Variants in CNGB1 observed in about 807,000 individuals in gnomAD.
CNGB1 encodes cyclic nucleotide gated channel subunit beta 1.
Under a neutral mutation model 151.7 loss-of-function variants are expected in CNGB1, and 126 were observed. The ratio of observed to expected loss-of-function variants is 0.83; its 90% CI spans 0.72 to 0.96. The LOEUF (loss-of-function observed/expected upper bound fraction) is 0.96. Among genes scored for constraint, CNGB1 ranks in the 40% least tolerant of loss-of-function variants. CNGB1 has a pLI of 0.00. For synonymous variants in CNGB1, 623 were observed against 635.1 expected (o/e 0.98, Z 0.29); for missense variants, 1,698 against 1,627.0 (o/e 1.04, Z -0.75).
chr16:57,957,101 C>T (rs901914733), intron 12 of CNGB1, among the ~76,000 whole-genome samples: 3 of 152,260 alleles, frequency 2.0e-5, no homozygotes, highest in Non-Finnish European at 4.4e-5. Context: ...CACTGGGCTC[C>T]GGGGGCCTCC....
At position 57,950,445 on chromosome 16, in the gene CNGB1, G is replaced by C; in HGVS notation, c.970C>G (p.Pro324Ala). ...EDAHQDVSTS[P>A]QGTEVVPAYE... ...GCTGGAACCACCTCTGTACCCTGTG[G>C]GCTGGTACTGACATCCTGGTGGGCA... Residue 324 changes from proline (P) to alanine (A), a missense_variant, in exon 13 of 33, where the codon CCA becomes GCA. Transcript: ENST00000251102. 3.7e-6 allele frequency: 6 copies of C among 1,614,202 alleles called. No individual in the cohort carries two copies. The highest frequency in any genetic ancestry group is 5.1e-6 in the Non-Finnish European group (6 of 1,180,026).
Position 57,884,220 on chromosome 16 carries a change from C to T in CNGB1, c.3700G>A (p.Gly1234Arg). ...RICMSPGPEP[G>R]EQILSVKMPE... ...ATCTTCACCGACAGGATCTGCTCTC[C>T]CGGCTCCGGGCCCGGGCTCATGCAG... The change falls in exon 33 of 33, where the codon GGA (glycine) becomes AGA (arginine). Residue 1234 changes from glycine to arginine, a missense_variant. Physicochemically the swap from Gly to Arg is moderately radical, Grantham distance 125. Coordinates refer to ENST00000251102, the MANE Select transcript of CNGB1 (RefSeq NM_001297.5). The T allele has an allele frequency of 1.9e-6, 3 of 1,613,968 alleles. No homozygotes were observed. Among genetic ancestry groups the T allele is most frequent in the South Asian group, 2.2e-5 (2 of 91,086 alleles).
chr16:57,890,549 A>G (rs1960059657), intron 31 of CNGB1, among the ~76,000 whole-genome samples: 1 of 152,234 alleles, frequency 6.6e-6, no homozygotes, highest in African/African-American at 2.4e-5. Flanking sequence ...TTTCCAGATT[A>G]GGGAAATTTG....
In CNGB1 at chr16:57,933,915, G is replaced by T. The variant is rs1169499707; in HGVS notation, c.1373-2037C>A. 1.3e-4 allele frequency among the ~76,000 whole-genome samples: 20 copies of T among 151,986 alleles called. 1 individual carries two copies. In the South Asian group the frequency reaches 3.5e-3, roughly 27 times the overall value. ...TTTTTGTATTTTTAGTGGAGACGGG[G>T]TTTCACCATGTTGTCCAGGCTGGTC... is the stretch of plus-strand genomic sequence containing the variant. On this transcript the variant is annotated intron_variant, in intron 16 of 32. Transcript: ENST00000251102.
At position 57,943,449 on chromosome 16, in the gene CNGB1, A is replaced by G. The variant is rs575709005; in HGVS notation, c.1122-3128T>C. ...CACTTTGGGAAGCCGAGGTGGGTGG[A>G]TCATGAGGTCAGGAGTTCGAGACCA... On this transcript the variant is annotated intron_variant, in intron 14 of 32. Coordinates refer to ENST00000251102, the MANE Select transcript of CNGB1 (RefSeq NM_001297.5). Among the ~76,000 whole-genome samples, 6 of 152,246 alleles carry G rather than the reference A, an allele frequency of 3.9e-5. No individual in the cohort carries two copies. In the East Asian group the frequency reaches 1.2e-3, roughly 29 times the overall value.
At chr16:57,942,325 A>G (rs1244658146) in intron 14 of CNGB1, among the ~76,000 whole-genome samples, 1 of 152,218 alleles carries the variant, frequency 6.6e-6, no homozygotes, top group Non-Finnish European at 1.5e-5. Context: ...ATATATAAAA[A>G]AAAACCCTAA....
chr16:57,884,607 G>T (rs1382758490), intron 32 of CNGB1, 150 bp from the exon 33 acceptor site: 3 of 785,874 alleles, frequency 3.8e-6, no homozygotes, highest in Non-Finnish European at 4.3e-6. Context: ...GGGTGGAGCC[G>T]CATCGGGGTT....
At chr16:57,959,564 T>C (rs1301009807) in intron 10 of CNGB1, among the ~76,000 whole-genome samples, 1 of 152,118 alleles carries the variant, frequency 6.6e-6, no homozygotes, top group Admixed American at 6.6e-5. Flanking sequence ...ATTGCACCAC[T>C]GCATTCCAGC....
At chr16:57,933,279 A>G (rs1343006721) in intron 16 of CNGB1, among the ~76,000 whole-genome samples, 1 of 151,586 alleles carries the variant, frequency 6.6e-6, no homozygotes, top group African/African-American at 2.4e-5. Context: ...GGGTCCCTCC[A>G]ATCAAGGGTA....
chr16:57,918,376 AGAAATCACAG>A (rs577964194), intron 20 of CNGB1, among the ~76,000 whole-genome samples: 4 of 152,270 alleles, frequency 2.6e-5, no homozygotes, highest in African/African-American at 9.6e-5. Context: ...CCCTCTTCTG[AGAAATCACAG>A]GAAAAGGTCA....
chr16:57,963,327 C>T (rs906976237), intron 4 of CNGB1, among the ~76,000 whole-genome samples: 4 of 152,218 alleles, frequency 2.6e-5, no homozygotes, highest in Non-Finnish European at 5.9e-5. Flanking sequence ...CCACGTCCTT[C>T]TCTGAAAAAT....
rs1012624729 is a variant in CNGB1, at chr16:57,963,058, G to C, written c.297C>G (p.Ser99Arg). Residue 99 changes from serine to arginine, a missense_variant, in exon 5 of 33, where the codon AGC (serine) becomes AGG (arginine). Coordinates refer to ENST00000251102, the MANE Select transcript of CNGB1 (RefSeq NM_001297.5). Reference sequence around the variant, plus strand: ...TCATGAGCCAGGTCAGTACCCTGCGGCTGGGACTGCGATGGACAGAGACAC... The same window carrying C: ...TCATGAGCCAGGTCAGTACCCTGCGCCTGGGACTGCGATGGACAGAGACAC... ...GAEISEMNSP[S>R]RRVLTWLMKG... 3 of 1,611,556 alleles carry C rather than the reference G, an allele frequency of 1.9e-6. No homozygotes were observed. The highest frequency in any genetic ancestry group is 2.7e-5 in the African/African-American group (2 of 74,936).
Position 57,887,953 on chromosome 16 carries a change from T to G in CNGB1, c.3364A>C (p.Lys1122Gln). 6.2e-7 allele frequency: 1 copy of G among 1,614,216 alleles called. No individual in the cohort carries two copies. Among genetic ancestry groups the G allele is most frequent in the Non-Finnish European group, 8.5e-7 (1 of 1,180,040 alleles). The change falls in exon 32 of 33, where the codon AAG (lysine) becomes CAG (glutamine). Residue 1122 changes from lysine to glutamine, a missense_variant. By Grantham distance (53) the Lys-to-Gln change is moderately conservative. Transcript: ENST00000251102. ...GCAAGTTTGCCGCCTTTTGCCCCCT[T>G]GCCACCCATCTTTCCTGTCATAGCG... ...ALAMTGKMGG[K>Q]GAKGGKLAHL... is the part of the protein sequence containing the mutation.
intron 20 of CNGB1, among the ~76,000 whole-genome samples, chr16:57,917,695 C>T (rs1420134894): frequency 6.6e-6 from 1 of 151,662 alleles, no homozygotes; most frequent in Non-Finnish European, 1.5e-5. Flanking sequence ...GGCACAGTGG[C>T]TCATGTCTGT....
At chr16:57,951,103 G>A (rs1348851314) in intron 12 of CNGB1, among the ~76,000 whole-genome samples, 2 of 152,192 alleles carry the variant, frequency 1.3e-5, no homozygotes, top group Non-Finnish European at 2.9e-5. Flanking sequence ...TCTTTCTCAT[G>A]GGGGTGGTCC....
At position 57,925,915 on chromosome 16, in the gene CNGB1, T is replaced by A. The variant is rs147214017; in HGVS notation, c.1536-2535A>T. The stretch of plus-strand genomic sequence containing the variant: ...ATTGGCCAGGCTGGTCTCGAACTCC[T>A]GACCTCAGGTGATCTGCCTACCTCA... On this transcript the variant is annotated intron_variant, in intron 17 of 32. Transcript: ENST00000251102. Among the ~76,000 whole-genome samples the A allele has an allele frequency of 4.5e-3, 683 of 152,140 alleles. 4 individuals are homozygous for A. Among genetic ancestry groups the A allele is most frequent in the African/African-American group, 0.015 (609 of 41,502 alleles).
chr16:57,896,971 G>A (rs1286521202), intron 31 of CNGB1, among the ~76,000 whole-genome samples: 4 of 152,064 alleles, frequency 2.6e-5, no homozygotes, highest in Admixed American at 1.3e-4. Context: ...TTGTGAATGA[G>A]ATAATAGTGT....
intron 17 of CNGB1, among the ~76,000 whole-genome samples, chr16:57,931,515 G>A (rs1210058028): frequency 6.6e-6 from 1 of 152,144 alleles, no homozygotes. Context: ...TTTGGGACAG[G>A]GCCTCCCATG....
In CNGB1 at chr16:57,960,072, A is replaced by G; in HGVS notation, c.584-7T>C. On this transcript the variant is annotated splice_polypyrimidine_tract_variant and splice_region_variant and intron_variant, in intron 9 of 32. Transcript: ENST00000251102. ...TGGGGGCGTCCTGGAGGCGCTAAGC[A>G]GCGGGGAAAGCAGGAGCTAGAGACG... is the stretch of plus-strand genomic sequence containing the variant. 1 of 1,546,268 alleles carries G rather than the reference A, an allele frequency of 6.5e-7. No homozygotes were observed. The highest frequency in any genetic ancestry group is 8.7e-7 in the Non-Finnish European group (1 of 1,151,212).
Sources: allele counts gnomAD v4.1 joint callset (sites outside exome capture counted in the v4.1 genomes callset), GRCh38; gene constraint gnomAD v4.1.1; transcripts MANE v1.5; gene names NCBI Gene and HGNC (gene_info 2026-07-23, HGNC 2026-07-21).